Variants in AGAP3 observed in about 807,000 individuals in gnomAD.
AGAP3 encodes the protein arf-GAP with GTPase, ANK repeat and PH domain-containing protein 3.
In AGAP3, 24 loss-of-function variants were observed where a neutral mutation model predicts 96.9. The ratio of observed to expected loss-of-function variants is 0.25; its 90% CI spans 0.18 to 0.35. The LOEUF (loss-of-function observed/expected upper bound fraction) is 0.35, where lower values mean the gene tolerates loss of function less well. AGAP3 is among the 10% of genes least tolerant of loss of function. The pLI is 1.00. For synonymous variants in AGAP3, 563 were observed against 536.1 expected, an observed-to-expected ratio of 1.05 and a Z score of -0.69; for missense variants, 876 against 1,254.2, an observed-to-expected ratio of 0.70 and a Z score of 4.55.
rs931263405 is a variant in AGAP3, at chr7:151,134,548, C to T, written c.1475C>T (p.Thr492Ile). The change falls in exon 11 of 18, where the codon ACA (threonine) becomes ATA (isoleucine). Residue 492 changes from threonine to isoleucine, a missense_variant. Physicochemically the swap from Thr to Ile is moderately conservative, Grantham distance 89. This residue lies in a region of AGAP3 where 155 missense variants were observed against 144.4 expected (regional missense o/e 1.07). Transcript: ENST00000397238. Reference sequence around the variant, plus strand: ...GGGCTGTCCGTGGAGCGGAGTAACACACAGCTGGGTGGGGGCACAGGTGAG... The same window carrying T: ...GGGCTGTCCGTGGAGCGGAGTAACATACAGCTGGGTGGGGGCACAGGTGAG... ...ANGLSVERSNTQLGGGTGAPH... is the reference protein window; with the variant it reads ...ANGLSVERSNIQLGGGTGAPH... The T allele has an allele frequency of 1.6e-5, 25 of 1,611,760 alleles. 1 individual carries two copies. In the African/African-American group the frequency reaches 2.8e-4, roughly 18 times the overall value.
chr7:151,115,880 G>A (rs1799553910), intron 1 of AGAP3, among the ~76,000 whole-genome samples: 1 of 152,216 alleles, frequency 6.6e-6, no homozygotes, highest in Non-Finnish European at 1.5e-5. Context: ...GAGTCAGAGG[G>A]CTCTGGGCTA....
At chr7:151,100,814 C>G (rs1214105853) in intron 1 of AGAP3, among the ~76,000 whole-genome samples, 1 of 152,130 alleles carries the variant, frequency 6.6e-6, no homozygotes, top group Admixed American at 6.5e-5. Context: ...TGCATTCTAG[C>G]CTGGAAGACA....
chr7:151,115,651 C>A (rs1179892524), intron 1 of AGAP3: 1 of 1,163,588 alleles, frequency 8.6e-7, no homozygotes. Flanking sequence ...GGTAAGGGGG[C>A]GGGCCTGGGG....
chr7:151,132,754 G>A (rs572122696), intron 10 of AGAP3, among the ~76,000 whole-genome samples: 3 of 152,340 alleles, frequency 2.0e-5, no homozygotes, highest in East Asian at 3.9e-4. Context: ...TCTTTCCTCC[G>A]TCTAGCTGGT....
At chr7:151,098,357 A>G (rs1262070089) in intron 1 of AGAP3, among the ~76,000 whole-genome samples, 5 of 151,532 alleles carry the variant, frequency 3.3e-5, no homozygotes, top group Admixed American at 6.6e-5. Flanking sequence ...AGACCCTGGC[A>G]CACACACACA....
In AGAP3 at chr7:151,117,359, G is replaced by A. The variant is rs753462151; in HGVS notation, c.479-12G>A. On this transcript the variant is annotated splice_polypyrimidine_tract_variant and intron_variant, in intron 3 of 17. Coordinates refer to ENST00000397238, the MANE Select transcript of AGAP3 (RefSeq NM_031946.7). ...CTCCACACTTTGGACCTGACTGCGC[G>A]CTCTGTCCTAGGGGGGCGGTTTAAG... The A allele has an allele frequency of 1.5e-5, 25 of 1,613,958 alleles. 1 individual carries two copies. Among genetic ancestry groups the A allele is most frequent in the Middle Eastern group, 1.6e-4 (1 of 6,084 alleles).
At position 151,142,002 on chromosome 7, in the gene AGAP3, C is replaced by T; in HGVS notation, c.1909C>T (p.Gln637Ter). 1 of 1,611,970 alleles carries T rather than the reference C, an allele frequency of 6.2e-7. No homozygotes were observed. The highest frequency in any genetic ancestry group is 8.5e-7 in the Non-Finnish European group (1 of 1,178,992). Reference sequence around the variant, plus strand: ...GCGGGAGCTGTGGGTTCAGAGTGTGCAGGCCCAGATCCTTGCCAGCCTGCA... The same window carrying T: ...GCGGGAGCTGTGGGTTCAGAGTGTGTAGGCCCAGATCCTTGCCAGCCTGCA... ...EERELWVQSVQAQILASLQGC... is the reference protein window; with the variant it reads ...EERELWVQSV Residue 637 changes from glutamine to a stop codon, truncating the protein, a stop_gained, in exon 14 of 18, where the codon CAG becomes TAG. Coordinates refer to ENST00000397238, the MANE Select transcript of AGAP3 (RefSeq NM_031946.7). LOFTEE classifies it high-confidence loss of function. The surrounding 1 kb of genome is among the most constrained non-coding windows in gnomAD (Gnocchi z 7.5).
intron 1 of AGAP3, among the ~76,000 whole-genome samples, chr7:151,110,562 T>C (rs796089619): frequency 5.3e-5 from 8 of 152,250 alleles, no homozygotes; most frequent in African/African-American, 9.6e-5. Context: ...TGGAGAGCCA[T>C]TGCAGGGCTT....
chr7:151,130,738 A>G (rs1232454887), intron 10 of AGAP3, among the ~76,000 whole-genome samples: 1 of 152,174 alleles, frequency 6.6e-6, no homozygotes, highest in Non-Finnish European at 1.5e-5. Flanking sequence ...GAGTGGAGGC[A>G]GGGCCGGTTG....
At chr7:151,116,489 T>C in intron 1 of AGAP3, 1 of 458,760 alleles carries the variant, frequency 2.2e-6, no homozygotes, top group Non-Finnish European at 3.9e-6. Flanking sequence ...AGGTGTGGCT[T>C]GGTGGGGGGA....
Position 151,143,611 on chromosome 7 carries a change from T to C in AGAP3, c.2529+15T>C, listed in dbSNP as rs748288729. ...TGCTCATCTGGGTGAGTCACGTGCC[T>C]CTAGCCTGCCCTGACCTCGCTCTTC... On this transcript the variant is annotated intron_variant, in intron 17 of 17. Transcript: ENST00000397238. The surrounding 1 kb of genome is among the most constrained non-coding windows in gnomAD (Gnocchi z 5.9). 1.1e-5 allele frequency: 17 copies of C among 1,597,300 alleles called. No homozygotes were observed. In the South Asian group the frequency reaches 1.9e-4, roughly 18 times the overall value.
At chr7:151,128,885 G>C (rs778265871) in intron 10 of AGAP3, among the ~76,000 whole-genome samples, 2 of 152,222 alleles carry the variant, frequency 1.3e-5, no homozygotes, top group Non-Finnish European at 2.9e-5. Flanking sequence ...CTTGCCCTCT[G>C]GGCGGTCAAG....
intron 1 of AGAP3, chr7:151,115,778 C>A: frequency 2.1e-6 from 1 of 478,784 alleles, no homozygotes; most frequent in Non-Finnish European, 2.9e-6. Flanking sequence ...TCGTCCGCGC[C>A]TGGCGTCTGG....
In AGAP3 at chr7:151,143,764, G is replaced by A. The variant is rs771442943; in HGVS notation, c.2557G>A (p.Ala853Thr). 3.1e-6 allele frequency: 5 copies of A among 1,614,122 alleles called. No homozygotes were observed. Among genetic ancestry groups the A allele is most frequent in the South Asian group, 2.2e-5 (2 of 91,078 alleles). ...WYGVDVRSRD[A>T]RGLTPLAYAR... ...CGGGGTGGACGTGAGGAGCCGGGAC[G>A]CCCGGGGCCTGACTCCACTGGCATA... is the stretch of plus-strand genomic sequence containing the variant. Residue 853 changes from alanine (A) to threonine (T), a missense_variant, in exon 18 of 18, where the codon GCC (alanine) becomes ACC (threonine). Around this residue, in one of 8 missense-constraint regions of AGAP3, gnomAD observed 213 missense variants for 253.8 expected, o/e 0.84. Coordinates refer to ENST00000397238, the MANE Select transcript of AGAP3 (RefSeq NM_031946.7). This position sits in a 1 kb window ranked among gnomAD's most constrained non-coding sequence, Gnocchi z 5.9.
At chr7:151,110,870 T>A (rs1319286865) in intron 1 of AGAP3, among the ~76,000 whole-genome samples, 2 of 152,076 alleles carry the variant, frequency 1.3e-5, no homozygotes, top group African/African-American at 4.8e-5. Context: ...CCAGAGCTCA[T>A]GTGGTGCTGT....
chr7:151,121,611 G>T (rs548276679), intron 8 of AGAP3, among the ~76,000 whole-genome samples: 26 of 151,942 alleles, frequency 1.7e-4, no homozygotes, highest in African/African-American at 6.0e-4. Flanking sequence ...CTTGCGCCCC[G>T]TGCTTCCTGC....
At position 151,114,422 on chromosome 7, in the gene AGAP3, G is replaced by A. The variant is rs1271996020; in HGVS notation, c.332-2371G>A. Among the ~76,000 whole-genome samples, 1 of 152,216 alleles carries A rather than the reference G, an allele frequency of 6.6e-6. No individual in the cohort carries two copies. The highest frequency in any genetic ancestry group is 2.4e-5 in the African/African-American group (1 of 41,464). On this transcript the variant is annotated intron_variant, in intron 1 of 17. Coordinates refer to ENST00000397238, the MANE Select transcript of AGAP3 (RefSeq NM_031946.7). This position sits in a 1 kb window ranked among gnomAD's most constrained non-coding sequence, Gnocchi z 4.4. ...GGACTGTTATTTAGTTGGCCTGCTC[G>A]TAATGACAGCTCCTCACCTACCTGC...
chr7:151,124,003 C>A lies in AGAP3; in HGVS notation c.1221+117C>A, dbSNP rs993539301. Reference sequence around the variant, plus strand: ...GGGGAGATGGCATCAGAGGCCAGCACCACCCTCCTAGGCGGAGTCCTTAAC... The same window carrying A: ...GGGGAGATGGCATCAGAGGCCAGCAACACCCTCCTAGGCGGAGTCCTTAAC... On this transcript the variant is annotated intron_variant, in intron 9 of 17. Coordinates refer to ENST00000397238, the MANE Select transcript of AGAP3 (RefSeq NM_031946.7). 3 of 1,048,902 alleles carry A rather than the reference C, an allele frequency of 2.9e-6. 1 individual carries two copies. The highest frequency in any genetic ancestry group is 2.9e-5 in the South Asian group (2 of 69,594). 65.0% of individuals were successfully genotyped at this position (1,048,902 alleles called of 1,614,324 possible). A position where few individuals can be genotyped will look rare whatever the true frequency, so the allele number is the denominator to read the frequency against.
intron 1 of AGAP3, among the ~76,000 whole-genome samples, chr7:151,094,651 A>T (rs1194826629): frequency 6.6e-6 from 1 of 151,982 alleles, no homozygotes; most frequent in African/African-American, 2.4e-5. Flanking sequence ...CATATCCTTT[A>T]TTCATTTTAC....
Sources: allele counts gnomAD v4.1 joint callset (sites outside exome capture counted in the v4.1 genomes callset), GRCh38; gene constraint gnomAD v4.1.1; regional missense constraint gnomAD v4.1.1; non-coding constraint Gnocchi (gnomAD v3.1); transcripts MANE v1.5; gene names NCBI Gene and HGNC (gene_info 2026-07-23, HGNC 2026-07-21).